TCERG1L: variants seen among roughly 807,000 people sequenced by gnomAD.
TCERG1L encodes the protein transcription elongation regulator 1-like protein.
Under a neutral mutation model 56.3 loss-of-function variants are expected in TCERG1L, and 37 were observed. The observed-to-expected ratio is 0.66, with a 90% CI of 0.51 to 0.87. The LOEUF (loss-of-function observed/expected upper bound fraction) is 0.87. Among genes scored for constraint, TCERG1L ranks in the 40% least tolerant of loss-of-function variants. The pLI is 0.00. For missense variants in TCERG1L, 799 were observed against 774.2 expected (o/e 1.03, Z -0.38); for synonymous variants, 324 against 326.3 (o/e 0.99, Z 0.08).
At chr10:131,252,789 G>C (rs1388109183) in intron 4 of TCERG1L, among the ~76,000 whole-genome samples, 1 of 152,212 alleles carries the variant, frequency 6.6e-6, no homozygotes, top group Non-Finnish European at 1.5e-5. Context: ...GCTGCAGTGA[G>C]TACACTATGA....
intron 4 of TCERG1L, among the ~76,000 whole-genome samples, chr10:131,242,604 A>T (rs140592886): frequency 2.4e-4 from 36 of 152,360 alleles, no homozygotes; most frequent in Non-Finnish European, 4.6e-4. Flanking sequence ...GCTTGCAACC[A>T]GAAGCGTTTC....
chr10:131,151,225 C>T lies in TCERG1L; in HGVS notation c.1035-4565G>A, dbSNP rs990698188. ...AGTCTTAATTCATTCCAGCATTAAC[C>T]GAAAAGTCCAACTCTAAAGTCTCAT... On this transcript the variant is annotated intron_variant, in intron 6 of 11. Coordinates refer to ENST00000368642, the MANE Select transcript of TCERG1L (RefSeq NM_174937.4). Among the ~76,000 whole-genome samples the T allele has an allele frequency of 6.6e-5, 10 of 152,238 alleles. No individual in the cohort carries two copies. The East Asian group carries it at 1.2e-3, about 18-fold the overall frequency.
rs1331310637 is a variant in TCERG1L, at chr10:131,260,439, A to G, written c.676T>C (p.Cys226Arg). 13 of 1,413,442 alleles carry G rather than the reference A, an allele frequency of 9.2e-6. No homozygotes were observed. Among genetic ancestry groups the G allele is most frequent in the Non-Finnish European group, 1.2e-5 (13 of 1,084,668 alleles). The allele number at this position is 1,413,442 out of a possible 1,614,324, so 87.6% of individuals were successfully genotyped here. The change falls in exon 4 of 12, where the codon TGC (cysteine) becomes CGC (arginine). Residue 226 changes from cysteine (C) to arginine (R), a missense_variant. Transcript: ENST00000368642. The surrounding 1 kb of genome is among the most constrained non-coding windows in gnomAD (Gnocchi z 5.8). Reference sequence around the variant, plus strand: ...CTGGTCACCTTAAGGCTGTTATGGCAGCCACCTGCGGAAGAGGGATGCAGA... The same window carrying G: ...CTGGTCACCTTAAGGCTGTTATGGCGGCCACCTGCGGAAGAGGGATGCAGA... The part of the protein sequence containing the change: ...VLAPQPIPGG[C>R]HNSLKVTSSP...
chr10:131,303,129 C>T (rs1295349452), intron 3 of TCERG1L, among the ~76,000 whole-genome samples: 2 of 151,986 alleles, frequency 1.3e-5, no homozygotes, highest in African/African-American at 4.8e-5. Context: ...TTATAATCCT[C>T]TGGGTATATA....
intron 6 of TCERG1L, among the ~76,000 whole-genome samples, chr10:131,153,362 C>A (rs539047717): frequency 2.6e-5 from 4 of 152,292 alleles, no homozygotes; most frequent in African/African-American, 9.6e-5. Flanking sequence ...AAGCTGGGTT[C>A]CCTTGCTCCT....
intron 4 of TCERG1L, among the ~76,000 whole-genome samples, chr10:131,177,425 TA>T (rs1845114671): frequency 6.6e-6 from 1 of 152,232 alleles, no homozygotes; most frequent in African/African-American, 2.4e-5. Flanking sequence ...TACATGTACG[TA>T]AACGTGAACA....
In TCERG1L at chr10:131,146,672, G is replaced by T; in HGVS notation, c.1035-12C>A. ...TCCAGACCACACACCTGTTTGAGTGGAAAAACTCATCTCAGTCGCTCTCGG... is the reference window on the plus strand; with the variant it reads ...TCCAGACCACACACCTGTTTGAGTGTAAAAACTCATCTCAGTCGCTCTCGG... On this transcript the variant is annotated splice_polypyrimidine_tract_variant and intron_variant, in intron 6 of 11. Coordinates refer to ENST00000368642, the MANE Select transcript of TCERG1L (RefSeq NM_174937.4). 6.2e-7 allele frequency: 1 copy of T among 1,602,706 alleles called. No homozygotes were observed. The highest frequency in any genetic ancestry group is 8.5e-7 in the Non-Finnish European group (1 of 1,173,500).
chr10:131,196,610 T>G (rs10765049), intron 4 of TCERG1L, among the ~76,000 whole-genome samples: 55,922 of 151,818 alleles, frequency 0.37, 10,426 homozygotes, highest in Middle Eastern at 0.46. Context: ...GGGAAAGACG[T>G]AGAGGAGAGG....
At chr10:131,233,985 C>T (rs1472418811) in intron 4 of TCERG1L, among the ~76,000 whole-genome samples, 6 of 152,202 alleles carry the variant, frequency 3.9e-5, no homozygotes, top group Admixed American at 6.5e-5. Context: ...TGGCTCTTGA[C>T]TCTCTGTGTG....
At chr10:131,127,452 CAGA>C (rs1356990853) in intron 8 of TCERG1L, among the ~76,000 whole-genome samples, 4 of 152,230 alleles carry the variant, frequency 2.6e-5, no homozygotes, top group African/African-American at 9.6e-5. Context: ...CAGACGTGAG[CAGA>C]AGCCTTCTGG....
intron 4 of TCERG1L, among the ~76,000 whole-genome samples, chr10:131,177,601 C>T (rs1429415670): frequency 6.6e-6 from 1 of 152,198 alleles, no homozygotes; most frequent in Non-Finnish European, 1.5e-5. Context: ...TTGGCTACCA[C>T]GCTGTCTCCC....
At chr10:131,123,722 T>A (rs947942520) in intron 8 of TCERG1L, among the ~76,000 whole-genome samples, 3 of 151,812 alleles carry the variant, frequency 2.0e-5, no homozygotes, top group African/African-American at 7.2e-5. Flanking sequence ...GCTCTGAGCC[T>A]TGGAGTGCAG....
At chr10:131,220,472 G>T (rs547604254) in intron 4 of TCERG1L, among the ~76,000 whole-genome samples, 3 of 152,336 alleles carry the variant, frequency 2.0e-5, no homozygotes, top group African/African-American at 7.2e-5. Flanking sequence ...GGGATCCCAG[G>T]GCTCCGTTCC....
chr10:131,296,271 T>G (rs1846689152), intron 3 of TCERG1L, among the ~76,000 whole-genome samples: 1 of 152,248 alleles, frequency 6.6e-6, no homozygotes, highest in African/African-American at 2.4e-5. Context: ...CCATCTATTT[T>G]GAGTTCATTT....
At chr10:131,231,409 G>A (rs565886869) in intron 4 of TCERG1L, among the ~76,000 whole-genome samples, 1 of 152,216 alleles carries the variant, frequency 6.6e-6, no homozygotes. Context: ...AGAGGCGAAG[G>A]TCGCCAACCC....
chr10:131,303,606 G>C (rs925694968), intron 3 of TCERG1L, among the ~76,000 whole-genome samples: 1 of 152,044 alleles, frequency 6.6e-6, no homozygotes, highest in Non-Finnish European at 1.5e-5. Flanking sequence ...AAGCAATATA[G>C]GTTTGTTGTT....
chr10:131,200,763 G>A (rs1161214650), intron 4 of TCERG1L, among the ~76,000 whole-genome samples: 1 of 152,148 alleles, frequency 6.6e-6, no homozygotes, highest in African/African-American at 2.4e-5. Flanking sequence ...AAGTTTTGAG[G>A]GTCAGAGTAG....
chr10:131,097,430 C>T (rs530187840), intron 11 of TCERG1L, among the ~76,000 whole-genome samples: 68 of 152,288 alleles, frequency 4.5e-4, no homozygotes, highest in African/African-American at 1.6e-3. Context: ...TCACTGCAAG[C>T]TCCGCCTCCC....
chr10:131,174,820 A>G (rs1203318059), intron 4 of TCERG1L, among the ~76,000 whole-genome samples: 3 of 152,086 alleles, frequency 2.0e-5, no homozygotes, highest in African/African-American at 7.2e-5. Flanking sequence ...ACCGAGAGGC[A>G]ACTCCACCTT....
Sources: gnomAD v4.1 joint callset for allele counts (sites outside exome capture counted in the v4.1 genomes callset) on GRCh38, gnomAD v4.1.1 for gene constraint, Gnocchi (gnomAD v3.1) non-coding constraint, MANE v1.5 for transcripts, NCBI Gene and HGNC (gene_info 2026-07-23, HGNC 2026-07-21) for gene names.